OLFM1: variants seen among roughly 807,000 people sequenced by gnomAD.
OLFM1 encodes the protein olfactomedin 1.
A neutral mutation model predicts 49.7 loss-of-function variants in OLFM1; 9 were observed. The observed-to-expected ratio is 0.18, with a 90% confidence interval of 0.11 to 0.32. The LOEUF (loss-of-function observed/expected upper bound fraction) is 0.32, where lower values mean the gene tolerates loss of function less well. Ranked by LOEUF, OLFM1 falls within the 10% of genes least tolerant of loss-of-function variation. The pLI, the probability that OLFM1 is intolerant of heterozygous loss-of-function variation, is 1.00. For missense variants in OLFM1, 369 were observed against 661.8 expected (o/e 0.56, Z 4.85); for synonymous variants, 240 against 271.8 (o/e 0.88, Z 1.15).
At chr9:135,085,143 G>A (rs1254640357), upstream of OLFM1, among the ~76,000 whole-genome samples, 5 of 152,198 alleles carry the variant, frequency 3.3e-5, no homozygotes, top group African/African-American at 4.8e-5. Context: ...GGATAGAGAC[G>A]TGGCTGTTCT....
rs537323191 is a variant in OLFM1, at chr9:135,080,527, G to A, written c.96+4725G>A. On this transcript the variant is annotated intron_variant, in intron 1 of 5. Transcript: ENST00000252854. The surrounding 1 kb of genome is among the most constrained non-coding windows in gnomAD (Gnocchi z 4.5). ...CCCGGGCTGCCTCCCCTGGTGGAGA[G>A]GCTCCTGACACCAGGGGCGCTGAGC... 3.2e-4 allele frequency among the ~76,000 whole-genome samples: 48 copies of A among 152,176 alleles called. 2 individuals are homozygous for A. Among genetic ancestry groups the A allele is most frequent in the Middle Eastern group, 3.4e-3 (1 of 294 alleles).
chr9:135,115,287 G>A (rs900424488), intron 5 of OLFM1, among the ~76,000 whole-genome samples: 2 of 152,204 alleles, frequency 1.3e-5, no homozygotes, highest in Non-Finnish European at 2.9e-5. Context: ...CCACATCCAG[G>A]TTGCATCCTT....
intron 2 of OLFM1, among the ~76,000 whole-genome samples, chr9:135,092,883 G>A (rs561368188): frequency 4.0e-4 from 61 of 152,340 alleles, no homozygotes; most frequent in Non-Finnish European, 5.1e-4. Flanking sequence ...AGGAGGCAGC[G>A]CTGCTCCGTC....
intron 5 of OLFM1, among the ~76,000 whole-genome samples, chr9:135,118,410 GT>G (rs1448042636): frequency 2.6e-4 from 31 of 119,820 alleles, no homozygotes; most frequent in Admixed American, 2.4e-4. Context: ...AGTGCTCGCT[GT>G]GTCTTTGGAG....
chr9:135,092,814 G>T (rs1830734375), intron 2 of OLFM1, among the ~76,000 whole-genome samples: 1 of 152,222 alleles, frequency 6.6e-6, no homozygotes, highest in African/African-American at 2.4e-5. Context: ...TTTTCAGAGG[G>T]CATGAGCCAT....
intron 5 of OLFM1, among the ~76,000 whole-genome samples, chr9:135,114,999 G>A (rs995414494): frequency 6.6e-6 from 1 of 152,152 alleles, no homozygotes; most frequent in African/African-American, 2.4e-5. Context: ...GGAAGGATGA[G>A]GCCAGGCAGG....
In OLFM1 at chr9:135,088,331, C is replaced by G. The variant is rs867822382; in HGVS notation, c.150+192C>G. ...GTGGCGACCCTGCTCCCCGCTCCCC[C>G]AGCCTGGGCCACTCCATCTCCGCCC... On this transcript the variant is annotated intron_variant, in intron 1 of 5. Transcript: ENST00000371793. The surrounding 1 kb of genome is among the most constrained non-coding windows in gnomAD (Gnocchi z 4.8). Among the ~76,000 whole-genome samples, 3 of 151,876 alleles carry G rather than the reference C, an allele frequency of 2.0e-5. No homozygotes were observed. The highest frequency in any genetic ancestry group is 7.2e-5 in the African/African-American group (3 of 41,390).
Position 135,098,428 on chromosome 9 carries a change from G to C in OLFM1, c.599G>C (p.Gly200Ala). 6.2e-7 allele frequency: 1 copy of C among 1,613,906 alleles called. No homozygotes were observed. Among genetic ancestry groups the C allele is most frequent in the East Asian group, 2.2e-5 (1 of 44,894 alleles). The change falls in exon 4 of 6, where the codon GGC (glycine) becomes GCC (alanine). Residue 200 changes from glycine (G) to alanine (A), a missense_variant. Around this residue, in one of 3 missense-constraint regions of OLFM1, gnomAD observed 294 missense variants for 567.5 expected, o/e 0.52. Coordinates refer to ENST00000371793, the MANE Select transcript of OLFM1 (RefSeq NM_001282611.2). The surrounding 1 kb of genome is among the most constrained non-coding windows in gnomAD (Gnocchi z 5.6). ...CTTAACGAGCTGCAAGAGGAAATTG[G>C]CGCCTATGACTACGATGAACTTCAG... ...SVLNELQEEI[G>A]AYDYDELQSR...
At chr9:135,094,843 T>C (rs1432150023) in intron 2 of OLFM1, among the ~76,000 whole-genome samples, 6 of 152,220 alleles carry the variant, frequency 3.9e-5, no homozygotes, top group Admixed American at 3.3e-4. Flanking sequence ...ATTTTGTTCC[T>C]AGAAGGGAGA....
At chr9:135,091,380 CT>C (rs956079836) in intron 2 of OLFM1, among the ~76,000 whole-genome samples, 69 of 152,324 alleles carry the variant, frequency 4.5e-4, no homozygotes, top group African/African-American at 1.6e-3. Flanking sequence ...GGGCAGGGAA[CT>C]TTCCCACCCT....
Position 135,120,341 on chromosome 9 carries a change from C to G in OLFM1, c.*163C>G. On this transcript the variant is annotated 3_prime_UTR_variant, in exon 6 of 6. Coordinates refer to ENST00000371793, the MANE Select transcript of OLFM1 (RefSeq NM_001282611.2). Reference sequence around the variant, plus strand: ...GATGGCATTACCTCCGTGTTTCTCCCTTTCGAGCCGGCGGGCCACAGACGT... The same window carrying G: ...GATGGCATTACCTCCGTGTTTCTCCGTTTCGAGCCGGCGGGCCACAGACGT... The G allele has an allele frequency of 1.5e-6, 1 of 679,630 alleles. No homozygotes were observed. Among genetic ancestry groups the G allele is most frequent in the Non-Finnish European group, 2.4e-6 (1 of 413,528 alleles). The allele number at this position is 679,630 out of a possible 1,614,324, so 42.1% of individuals were successfully genotyped here. A position where few individuals can be genotyped will look rare whatever the true frequency, so the allele number is the denominator to read the frequency against.
intron 1 of OLFM1, chr9:135,076,033 T>C: frequency 1.4e-6 from 2 of 1,450,098 alleles, no homozygotes; most frequent in Non-Finnish European, 1.8e-6. Flanking sequence ...TCAGCAGAGC[T>C]GACAGCTGCC....
intron 4 of OLFM1, among the ~76,000 whole-genome samples, chr9:135,100,494 C>T (rs1033636939): frequency 1.3e-5 from 2 of 152,212 alleles, no homozygotes; most frequent in African/African-American, 4.8e-5. Context: ...TGCCTGGTTT[C>T]ACCTCTGCGT....
At chr9:135,114,993 G>T (rs995858485) in intron 5 of OLFM1, among the ~76,000 whole-genome samples, 2 of 152,180 alleles carry the variant, frequency 1.3e-5, no homozygotes, top group Non-Finnish European at 2.9e-5. Context: ...ATGGCAGGAA[G>T]GATGAGGCCA....
intron 1 of OLFM1, 102 bp from the exon 2 acceptor site, chr9:135,090,093 G>A (rs1387464800): frequency 3.7e-6 from 4 of 1,070,568 alleles, no homozygotes; most frequent in South Asian, 1.6e-5. Context: ...TTTTCCTTGG[G>A]GGTGGATGTG....
rs1367764669 is a variant in OLFM1, at chr9:135,113,838, A to C, written c.784-5666A>C. Among the ~76,000 whole-genome samples, 1 of 152,184 alleles carries C rather than the reference A, an allele frequency of 6.6e-6. No individual in the cohort carries two copies. Among genetic ancestry groups the C allele is most frequent in the Non-Finnish European group, 1.5e-5 (1 of 68,030 alleles). On this transcript the variant is annotated intron_variant, in intron 5 of 5. Transcript: ENST00000371793. This position sits in a 1 kb window ranked among gnomAD's most constrained non-coding sequence, Gnocchi z 4.0. ...CCCTGTGGCTGCTGCAGGAGCTCCC[A>C]CAGCCTGGGGGGCACCACAGGGGCT...
At chr9:135,081,896 A>C (rs181169477) in intron 1 of OLFM1, among the ~76,000 whole-genome samples, 23 of 152,236 alleles carry the variant, frequency 1.5e-4, no homozygotes, top group African/African-American at 5.5e-4. Flanking sequence ...CCTTTGTTGC[A>C]CCTGGCATGC....
intron 1 of OLFM1, among the ~76,000 whole-genome samples, chr9:135,081,992 G>A (rs1357352128): frequency 6.6e-6 from 1 of 152,218 alleles, no homozygotes; most frequent in Non-Finnish European, 1.5e-5. Flanking sequence ...TGCTCACCTG[G>A]AGAAGGTTTC....
At chr9:135,075,508 C>T, upstream of OLFM1, 2 of 270,966 alleles carry the variant, frequency 7.4e-6, 1 homozygote, top group Non-Finnish European at 1.4e-5. Context: ...CGGAGGCAGA[C>T]GCGCCGGAAC....
Sources: gnomAD v4.1 joint callset for allele counts (sites outside exome capture counted in the v4.1 genomes callset) on GRCh38, gnomAD v4.1.1 for gene constraint, gnomAD v4.1.1 regional missense constraint, Gnocchi (gnomAD v3.1) non-coding constraint, MANE v1.5 for transcripts, NCBI Gene and HGNC (gene_info 2026-07-23, HGNC 2026-07-21) for gene names.